Variants in SEMA3A observed in about 807,000 individuals in gnomAD.
SEMA3A encodes semaphorin 3A.
A neutral mutation model predicts 97.9 loss-of-function variants in SEMA3A; 29 were observed. The ratio of observed to expected loss-of-function variants is 0.30; its 90% CI spans 0.22 to 0.40. The LOEUF (loss-of-function observed/expected upper bound fraction) is 0.40. Among genes scored for constraint, SEMA3A ranks in the 10% least tolerant of loss-of-function variants. The probability of loss-of-function intolerance (pLI) is 1.00; values close to 1 mark genes in which losing one functional copy is unlikely to be tolerated. For missense variants in SEMA3A, 763 were observed against 951.3 expected (o/e 0.80, Z 2.60); for synonymous variants, 321 against 323.7 (o/e 0.99, Z 0.09).
chr7:84,426,638 C>T (rs148858093), intron 1 of SEMA3A, among the ~76,000 whole-genome samples: 2 of 152,194 alleles, frequency 1.3e-5, no homozygotes, highest in East Asian at 3.9e-4. Context: ...AGGATTCTTA[C>T]AAATTTATCT....
At chr7:84,083,225 C>T (rs542351525) in intron 4 of SEMA3A, among the ~76,000 whole-genome samples, 123 of 151,976 alleles carry the variant, frequency 8.1e-4, no homozygotes, top group African/African-American at 2.8e-3. Context: ...TATATACACA[C>T]ACACGTATTT....
chr7:84,250,696 CTTTACA>C (rs566564927), intron 3 of SEMA3A, among the ~76,000 whole-genome samples: 95 of 152,234 alleles, frequency 6.2e-4, no homozygotes, highest in African/African-American at 2.2e-3. Context: ...AAGCTTGGCA[CTTTACA>C]TTTAACTTTA....
chr7:84,309,091 T>C (rs1801247316), intron 2 of SEMA3A, among the ~76,000 whole-genome samples: 1 of 152,096 alleles, frequency 6.6e-6, no homozygotes, highest in Non-Finnish European at 1.5e-5. Flanking sequence ...GTGCTGGGAT[T>C]ACAGGCGTGA....
At chr7:84,398,330 GC>G (rs1363451719) in intron 1 of SEMA3A, among the ~76,000 whole-genome samples, 23 of 152,228 alleles carry the variant, frequency 1.5e-4, no homozygotes, top group Middle Eastern at 3.4e-3. Flanking sequence ...AATGTCTGGT[GC>G]TTTTTCTTAG....
rs1373901389 is a variant in SEMA3A, at chr7:83,994,309, C to G, written c.1452+7646G>C. Among the ~76,000 whole-genome samples the G allele has an allele frequency of 1.5e-3, 174 of 114,052 alleles. 38 individuals carry two copies. The highest frequency in any genetic ancestry group is 2.4e-3 in the Non-Finnish European group (132 of 55,276). The allele number at this position is 114,052 out of a possible 152,430, so 74.8% of individuals were successfully genotyped here. ...ATTTGATCGTCTGAAGCCTTCTTCT[C>G]TCAGCTCATCAAAGTCATTCTCCAT... On this transcript the variant is annotated intron_variant, in intron 12 of 16. Coordinates refer to ENST00000265362, the MANE Select transcript of SEMA3A (RefSeq NM_006080.3).
At chr7:84,279,579 G>T (rs1240168741) in intron 3 of SEMA3A, among the ~76,000 whole-genome samples, 1 of 152,168 alleles carries the variant, frequency 6.6e-6, no homozygotes, top group Non-Finnish European at 1.5e-5. Context: ...TGGAGTAATT[G>T]CCTGGGACAA....
Position 84,007,445 on chromosome 7 carries a change from T to C in SEMA3A, c.1048A>G (p.Arg350Gly). 6.2e-7 allele frequency: 1 copy of C among 1,606,900 alleles called. No individual in the cohort carries two copies. Among genetic ancestry groups the C allele is most frequent in the Non-Finnish European group, 8.5e-7 (1 of 1,176,548 alleles). Residue 350 changes from arginine (R) to glycine (G), a missense_variant, in exon 10 of 17, where the codon AGG becomes GGG. Arg to Gly is a moderately radical substitution (Grantham distance 125, BLOSUM62 -2). Transcript: ENST00000265362. ...TGGGCATATGGACCAAGGAACACCC[T>C]TCTCACATCACTCATGCTATACATA... Reference protein sequence around the residue: ...VCMYSMSDVRRVFLGPYAHRD... With the variant: ...VCMYSMSDVRGVFLGPYAHRD...
At chr7:84,447,659 C>A (rs766611157) in intron 1 of SEMA3A, among the ~76,000 whole-genome samples, 1 of 152,166 alleles carries the variant, frequency 6.6e-6, no homozygotes, top group Non-Finnish European at 1.5e-5. Context: ...GCTGTTCTGT[C>A]GCTCAATAAA....
At chr7:84,271,551 G>A (rs997624194) in intron 3 of SEMA3A, among the ~76,000 whole-genome samples, 1 of 152,028 alleles carries the variant, frequency 6.6e-6, no homozygotes, top group African/African-American at 2.4e-5. Flanking sequence ...GAAATTATCA[G>A]CCTTATAGAG....
chr7:84,178,425 G>A (rs1797640769), intron 1 of SEMA3A, among the ~76,000 whole-genome samples: 1 of 151,974 alleles, frequency 6.6e-6, no homozygotes, highest in African/African-American at 2.4e-5. Flanking sequence ...CACTGTCCAA[G>A]TCTCATGTAA....
chr7:84,065,026 T>G (rs1406709657), intron 4 of SEMA3A, among the ~76,000 whole-genome samples: 2 of 151,462 alleles, frequency 1.3e-5, no homozygotes, highest in Non-Finnish European at 2.9e-5. Context: ...GAAGTGAAGC[T>G]CTCCTCAGCA....
intron 6 of SEMA3A, among the ~76,000 whole-genome samples, chr7:84,040,904 G>T (rs914788442): frequency 6.6e-6 from 1 of 152,018 alleles, no homozygotes; most frequent in African/African-American, 2.4e-5. Context: ...CATTTAAAAA[G>T]CAGGATTACC....
At chr7:84,009,419 A>G (rs1790790157) in intron 9 of SEMA3A, among the ~76,000 whole-genome samples, 1 of 152,194 alleles carries the variant, frequency 6.6e-6, no homozygotes, top group African/African-American at 2.4e-5. Flanking sequence ...TGATTTTAAA[A>G]AATTATTGAG....
intron 1 of SEMA3A, among the ~76,000 whole-genome samples, chr7:84,396,657 A>G (rs1197693714): frequency 6.6e-6 from 1 of 152,108 alleles, no homozygotes; most frequent in Non-Finnish European, 1.5e-5. Context: ...CTGACTTCCA[A>G]CTGACCCATT....
chr7:84,078,992 T>C (rs1257091607), intron 4 of SEMA3A, among the ~76,000 whole-genome samples: 2 of 152,114 alleles, frequency 1.3e-5, no homozygotes, highest in Non-Finnish European at 2.9e-5. Context: ...AATTGACTTT[T>C]AGGTCATTAT....
intron 1 of SEMA3A, among the ~76,000 whole-genome samples, chr7:84,430,664 G>T (rs1278820920): frequency 6.6e-6 from 1 of 151,868 alleles, no homozygotes; most frequent in Admixed American, 6.6e-5. Context: ...AAAAAGTAGG[G>T]TTCGTGGGAT....
At chr7:84,168,293 G>T (rs1462123809) in intron 1 of SEMA3A, among the ~76,000 whole-genome samples, 2 of 151,926 alleles carry the variant, frequency 1.3e-5, no homozygotes, top group Non-Finnish European at 2.9e-5. Flanking sequence ...CTAAATTAAT[G>T]GGTATAGTCT....
In SEMA3A at chr7:83,991,046, G is replaced by T. The variant is rs1789903383; in HGVS notation, c.1453-5569C>A. Among the ~76,000 whole-genome samples the T allele has an allele frequency of 1.3e-5, 2 of 150,462 alleles. 1 individual carries two copies. Among genetic ancestry groups the T allele is most frequent in the South Asian group, 4.3e-4 (2 of 4,688 alleles). On this transcript the variant is annotated intron_variant, in intron 12 of 16. Coordinates refer to ENST00000265362, the MANE Select transcript of SEMA3A (RefSeq NM_006080.3). The stretch of plus-strand genomic sequence containing the variant: ...AAGAGGTCCTTCACATCCCTTGTAA[G>T]TTGTATTCCTAGGTATTTTATTCTC...
intron 3 of SEMA3A, among the ~76,000 whole-genome samples, chr7:84,226,692 A>G (rs1468328100): frequency 1.3e-5 from 2 of 152,084 alleles, no homozygotes; most frequent in Admixed American, 1.3e-4. Context: ...ATCTTTCTGT[A>G]TTTTCTATTC....
Sources: gnomAD v4.1 joint callset for allele counts (sites outside exome capture counted in the v4.1 genomes callset) on GRCh38, gnomAD v4.1.1 for gene constraint, MANE v1.5 for transcripts, NCBI Gene and HGNC (gene_info 2026-07-23, HGNC 2026-07-21) for gene names.